The following SERGEF variants were observed in gnomAD, a reference collection of about 807,000 sequenced individuals.
The protein encoded by SERGEF is secretion-regulating guanine nucleotide exchange factor.
A neutral mutation model predicts 50.0 loss-of-function variants in SERGEF; 51 were observed. The observed-to-expected ratio is 1.02, with a 90% CI of 0.81 to 1.29. The LOEUF (loss-of-function observed/expected upper bound fraction) is 1.29. Among genes scored for constraint, SERGEF ranks in the 50% most tolerant of loss-of-function variants. SERGEF has a pLI of 0.00. For synonymous variants in SERGEF, 205 were observed against 212.4 expected (o/e 0.97, Z 0.30); for missense variants, 521 against 557.0 (o/e 0.94, Z 0.65).
intron 9 of SERGEF, among the ~76,000 whole-genome samples, chr11:17,907,610 A>T (rs2133926361): frequency 6.6e-6 from 1 of 152,314 alleles, no homozygotes; most frequent in East Asian, 1.9e-4. Context: ...ACTCCTCCCC[A>T]GGTACCACTC....
chr11:18,012,674 C>A, intron 1 of SERGEF: 1 of 1,166,688 alleles, frequency 8.6e-7, no homozygotes, highest in Non-Finnish European at 1.1e-6. Flanking sequence ...CGGAACCAGA[C>A]GCTCTGCCCC....
chr11:17,982,597 A>G (rs1487357140), intron 8 of SERGEF, among the ~76,000 whole-genome samples: 2 of 152,206 alleles, frequency 1.3e-5, no homozygotes, highest in Non-Finnish European at 2.9e-5. Context: ...CCCAAAGAAG[A>G]TGGAGTAATG....
intron 9 of SERGEF, among the ~76,000 whole-genome samples, chr11:17,905,862 T>A (rs891553133): frequency 6.6e-6 from 1 of 152,168 alleles, no homozygotes; most frequent in African/African-American, 2.4e-5. Context: ...GGAGCTTGGA[T>A]GAGCAGATCC....
At chr11:17,880,699 A>C (rs779379236) in intron 9 of SERGEF, among the ~76,000 whole-genome samples, 5 of 152,170 alleles carry the variant, frequency 3.3e-5, no homozygotes, top group Non-Finnish European at 7.3e-5. Flanking sequence ...TGCAGTTACC[A>C]CCACAGAGAA....
At chr11:17,973,799 G>C (rs1853306135) in intron 8 of SERGEF, among the ~76,000 whole-genome samples, 1 of 152,162 alleles carries the variant, frequency 6.6e-6, no homozygotes, top group South Asian at 2.1e-4. Context: ...CGGTGGACAT[G>C]GTCAGGAAGA....
At chr11:17,849,690 C>T (rs955389816) in intron 10 of SERGEF, among the ~76,000 whole-genome samples, 3 of 152,136 alleles carry the variant, frequency 2.0e-5, no homozygotes, top group Admixed American at 1.3e-4. Context: ...GCTTTATATA[C>T]ATTATTTAGA....
intron 10 of SERGEF, among the ~76,000 whole-genome samples, chr11:17,812,266 G>A (rs1239577294): frequency 6.6e-6 from 1 of 152,204 alleles, no homozygotes; most frequent in Non-Finnish European, 1.5e-5. Flanking sequence ...CTGCCTCTCA[G>A]CCCCTTAAGA....
At chr11:18,000,838 C>A in intron 4 of SERGEF, 1 of 585,796 alleles carries the variant, frequency 1.7e-6, no homozygotes, top group East Asian at 3.9e-5. Context: ...TAAATGTTTT[C>A]TGTAAAGGGA....
At chr11:17,886,063 C>T (rs1266633475) in intron 9 of SERGEF, among the ~76,000 whole-genome samples, 2 of 151,952 alleles carry the variant, frequency 1.3e-5, no homozygotes, top group African/African-American at 4.8e-5. Context: ...GTCCTGATGC[C>T]CCCCGCCCCC....
At chr11:17,920,741 C>G (rs1200573752) in intron 9 of SERGEF, among the ~76,000 whole-genome samples, 1 of 152,184 alleles carries the variant, frequency 6.6e-6, no homozygotes, top group Non-Finnish European at 1.5e-5. Flanking sequence ...AGACAGTAGA[C>G]TTGGCCTGGA....
intron 9 of SERGEF, among the ~76,000 whole-genome samples, chr11:17,924,655 G>C (rs533083299): frequency 6.6e-6 from 1 of 150,816 alleles, no homozygotes; most frequent in African/African-American, 2.4e-5. Context: ...GGGGGTGCGG[G>C]GGGTGATTTG....
At chr11:17,940,305 G>A (rs1852537353) in intron 9 of SERGEF, among the ~76,000 whole-genome samples, 1 of 152,154 alleles carries the variant, frequency 6.6e-6, no homozygotes, top group Non-Finnish European at 1.5e-5. Flanking sequence ...TGGGATAGAG[G>A]AAAAGACGGT....
chr11:17,857,718 T>C (rs1354751864), intron 10 of SERGEF, among the ~76,000 whole-genome samples: 1 of 152,242 alleles, frequency 6.6e-6, no homozygotes, highest in Non-Finnish European at 1.5e-5. Flanking sequence ...TCTGTCATAC[T>C]GTGCAGTCAC....
Position 17,991,427 on chromosome 11 carries a change from C to T in SERGEF, c.685+1504G>A, listed in dbSNP as rs372145743. Among the ~76,000 whole-genome samples the T allele has an allele frequency of 6.6e-6, 1 of 152,244 alleles. No individual in the cohort carries two copies. On this transcript the variant is annotated intron_variant, in intron 7 of 10. Coordinates refer to ENST00000265965, the MANE Select transcript of SERGEF (RefSeq NM_012139.4). The surrounding 1 kb of genome is among the most constrained non-coding windows in gnomAD (Gnocchi z 4.9). ...CAAATTAATTAGAACAAAACAGAAA[C>T]ACCTCGTAGTCTACTTTTATTCTCA... is the stretch of plus-strand genomic sequence containing the variant.
At position 17,888,343 on chromosome 11, in the gene SERGEF, C is replaced by A. The variant is rs910238979; in HGVS notation, c.1012-10099G>T. On this transcript the variant is annotated intron_variant, in intron 9 of 10. Transcript: ENST00000265965. The surrounding 1 kb of genome is among the most constrained non-coding windows in gnomAD (Gnocchi z 4.1). ...TGCTCTGAAGGGGGTCAGAATAACT[C>A]TTGAACACAGTACTTTGACTAAATA... Among the ~76,000 whole-genome samples the A allele has an allele frequency of 6.6e-6, 1 of 152,280 alleles. No homozygotes were observed. Among genetic ancestry groups the A allele is most frequent in the Non-Finnish European group, 1.5e-5 (1 of 68,014 alleles).
chr11:17,810,667 C>T lies in SERGEF; in HGVS notation c.1049-22254G>A, dbSNP rs1428682075. ...CAGATTGTGAGACTGTCTGTGAGGA[C>T]GATGACTTTTGTATCTCTTTATCCT... On this transcript the variant is annotated intron_variant, in intron 10 of 10. Transcript: ENST00000265965. 4.6e-5 allele frequency among the ~76,000 whole-genome samples: 7 copies of T among 152,138 alleles called. No homozygotes were observed. The East Asian group carries it at 7.7e-4, about 17-fold the overall frequency.
intron 10 of SERGEF, among the ~76,000 whole-genome samples, chr11:17,817,620 T>C (rs892094188): frequency 6.6e-6 from 1 of 152,226 alleles, no homozygotes; most frequent in African/African-American, 2.4e-5. Flanking sequence ...GATTAAATTA[T>C]TTGATCAATA....
chr11:17,858,587 G>A (rs566995266), intron 10 of SERGEF, among the ~76,000 whole-genome samples: 5 of 152,092 alleles, frequency 3.3e-5, no homozygotes, highest in Non-Finnish European at 7.4e-5. Context: ...TGCCCACAGA[G>A]TCTCATGTAG....
At position 17,896,866 on chromosome 11, in the gene SERGEF, GGGAAGGGAAGGGAAGGGAA is replaced by G. The variant is rs1851652811; in HGVS notation, c.1012-18641_1012-18623del. 3.0e-4 allele frequency among the ~76,000 whole-genome samples: 2 copies of G among 6,772 alleles called. 1 individual carries two copies. Among genetic ancestry groups the G allele is most frequent in the Non-Finnish European group, 6.4e-4 (2 of 3,122 alleles). The allele number at this position is 6,772 out of a possible 152,430, so 4.4% of individuals were successfully genotyped here. On this transcript the variant is annotated intron_variant, in intron 9 of 10. Coordinates refer to ENST00000265965, the MANE Select transcript of SERGEF (RefSeq NM_012139.4). Reference sequence around the variant, plus strand: ...GGAAGGGAAGGGTAAGGGAAGGGAAGGGAAGGGAAGGGAAGGGAAGGGAAGGGAAGGGAAGGGAAGGGAA... The same window carrying G: ...GGAAGGGAAGGGTAAGGGAAGGGAAGGGGAAGGGAAGGGAAGGGAAGGGAA...
Sources: gnomAD v4.1 joint callset for allele counts (sites outside exome capture counted in the v4.1 genomes callset) on GRCh38, gnomAD v4.1.1 for gene constraint, Gnocchi (gnomAD v3.1) non-coding constraint, MANE v1.5 for transcripts, NCBI Gene and HGNC (gene_info 2026-07-23, HGNC 2026-07-21) for gene names.